CEP85L: variants seen among roughly 807,000 people sequenced by gnomAD.
CEP85L encodes centrosomal protein 85L.
A neutral mutation model predicts 100.3 loss-of-function variants in CEP85L; 60 were observed. The observed-to-expected ratio is 0.60, with a 90% confidence interval of 0.49 to 0.74. The LOEUF is 0.74. Among genes scored for constraint, CEP85L ranks in the 30% least tolerant of loss-of-function variants. CEP85L has a pLI of 0.00. For synonymous variants in CEP85L, 319 were observed against 322.7 expected (o/e 0.99, Z 0.12); for missense variants, 973 against 936.2 (o/e 1.04, Z -0.51).
intron 2 of CEP85L, among the ~76,000 whole-genome samples, chr6:118,590,044 TACACACACAC>T (rs58587419): frequency 2.0e-5 from 3 of 150,214 alleles, no homozygotes; most frequent in South Asian, 2.1e-4. Context: ...TCTCTGCATT[TACACACACAC>T]ACACACACAC....
rs149841531 is a variant in CEP85L, at chr6:118,486,351, C to T, written c.1438-2493G>A. Among the ~76,000 whole-genome samples, 253 of 152,164 alleles carry T rather than the reference C, an allele frequency of 1.7e-3. 1 individual carries two copies. Among genetic ancestry groups the T allele is most frequent in the Admixed American group, 5.6e-3 (85 of 15,296 alleles). ...AGTTTTTCTTTTCAAAGAGGTATGA[C>T]GCAATACTGATATCATTCCTAGAAG... On this transcript the variant is annotated intron_variant, in intron 6 of 12. Transcript: ENST00000368491.
upstream of CEP85L, among the ~76,000 whole-genome samples, chr6:118,655,337 G>T (rs1424642182): frequency 6.6e-6 from 1 of 152,228 alleles, no homozygotes; most frequent in African/African-American, 2.4e-5. Flanking sequence ...GATAGGAAGT[G>T]GGTGTGGGAG....
chr6:118,650,828 C>G (rs1057104798), intron 1 of CEP85L, among the ~76,000 whole-genome samples: 5 of 152,200 alleles, frequency 3.3e-5, no homozygotes, highest in African/African-American at 9.6e-5. Flanking sequence ...CCGCCCGGGT[C>G]CCCGCGAGCA....
chr6:118,537,865 C>T, intron 3 of CEP85L: 1 of 985,242 alleles, frequency 1.0e-6, no homozygotes, highest in Non-Finnish European at 1.2e-6. Flanking sequence ...TCACGTAACA[C>T]AGTAAATCTT....
intron 3 of CEP85L, among the ~76,000 whole-genome samples, chr6:118,527,693 C>T (rs1402099128): frequency 2.0e-5 from 3 of 151,992 alleles, no homozygotes; most frequent in African/African-American, 7.2e-5. Flanking sequence ...ATCACTAATT[C>T]CAAAACTCAA....
chr6:118,475,354 T>C (rs927666496), intron 10 of CEP85L, among the ~76,000 whole-genome samples: 7 of 144,638 alleles, frequency 4.8e-5, no homozygotes, highest in African/African-American at 1.0e-4. Context: ...GACATTTTTT[T>C]TTTTTTTTTT....
At chr6:118,650,274 C>T (rs1775461321) in intron 1 of CEP85L, among the ~76,000 whole-genome samples, 1 of 152,190 alleles carries the variant, frequency 6.6e-6, no homozygotes, top group South Asian at 2.1e-4. Flanking sequence ...TCTCAAAAGG[C>T]CTCAAAACTC....
rs117153872 is a variant in CEP85L, at chr6:118,509,773, C to G, written c.1257+1525G>C. ...GCCTCACTTTAGATCCCAATAAGTA[C>G]GCCAACAGTCTTTTTCTTTGGGAAA... On this transcript the variant is annotated intron_variant, in intron 5 of 12. Transcript: ENST00000368491. Among the ~76,000 whole-genome samples the G allele has an allele frequency of 4.6e-4, 70 of 152,064 alleles. No individual in the cohort carries two copies. The East Asian group carries it at 0.013, about 28-fold the overall frequency.
intron 10 of CEP85L, among the ~76,000 whole-genome samples, chr6:118,473,631 A>C (rs1190250504): frequency 6.6e-6 from 1 of 152,196 alleles, no homozygotes; most frequent in Non-Finnish European, 1.5e-5. Context: ...ATTTTTGTTC[A>C]AAAGGATCAC....
intron 6 of CEP85L, among the ~76,000 whole-genome samples, chr6:118,490,467 G>T (rs749764553): frequency 3.9e-5 from 6 of 152,202 alleles, no homozygotes; most frequent in Non-Finnish European, 7.4e-5. Context: ...GATTTGGGAG[G>T]ATGTGGAGAA....
At chr6:118,634,477 T>C (rs1345249901) in intron 1 of CEP85L, among the ~76,000 whole-genome samples, 1 of 152,230 alleles carries the variant, frequency 6.6e-6, no homozygotes, top group African/African-American at 2.4e-5. Context: ...GTATAAAGTA[T>C]ATAAGCAGCC....
intron 2 of CEP85L, among the ~76,000 whole-genome samples, chr6:118,630,691 A>G (rs75392389): frequency 0.011 from 1,745 of 152,344 alleles, 19 homozygotes; most frequent in Non-Finnish European, 0.017. Context: ...CACAGAATAT[A>G]CAACACCAAA....
At chr6:118,502,209 T>G (rs1775347770) in intron 5 of CEP85L, 2 of 754,018 alleles carry the variant, frequency 2.7e-6, no homozygotes, top group African/African-American at 3.5e-5. Flanking sequence ...ATTTGAATTA[T>G]GGACCCTGGA....
At chr6:118,651,821 G>C (rs548691923), upstream of CEP85L, 1 of 985,408 alleles carries the variant, frequency 1.0e-6, no homozygotes, top group South Asian at 4.7e-5. Context: ...CCTGCGAGTT[G>C]AGTAGAGGGC....
chr6:118,485,143 CAT>C (rs1774085643), intron 6 of CEP85L, among the ~76,000 whole-genome samples: 1 of 152,132 alleles, frequency 6.6e-6, no homozygotes, highest in Admixed American at 6.5e-5. Flanking sequence ...CTATAAATTT[CAT>C]ATCTCATAGT....
At chr6:118,646,843 CTCTCAA>C (rs1775233168) in intron 1 of CEP85L, 5 of 722,980 alleles carry the variant, frequency 6.9e-6, no homozygotes, top group Non-Finnish European at 8.5e-6. Context: ...AATCATGACT[CTCTCAA>C]CCCTTTCTGT....
At position 118,465,354 on chromosome 6, in the gene CEP85L, C is replaced by A; in HGVS notation, c.*51G>T. 1.3e-6 allele frequency: 2 copies of A among 1,563,844 alleles called. No homozygotes were observed. Among genetic ancestry groups the A allele is most frequent in the South Asian group, 2.4e-5 (2 of 85,024 alleles). ...GCAACCTTCCATTATGGCTCCATAA[C>A]ACAGCAGCATTTAAACAACAGGTCA... is the stretch of plus-strand genomic sequence containing the variant. On this transcript the variant is annotated 3_prime_UTR_variant, in exon 13 of 13. Transcript: ENST00000368491.
intron 3 of CEP85L, among the ~76,000 whole-genome samples, chr6:118,527,341 G>A (rs1225042584): frequency 5.9e-5 from 9 of 151,992 alleles, no homozygotes; most frequent in South Asian, 4.2e-4. Flanking sequence ...CTGTACTGTC[G>A]GCTCGCTGTT....
chr6:118,650,922 G>A (rs1486648192), intron 1 of CEP85L, among the ~76,000 whole-genome samples: 3 of 152,236 alleles, frequency 2.0e-5, no homozygotes, highest in Non-Finnish European at 4.4e-5. Flanking sequence ...CCCAACCCGC[G>A]GGGGCCCAAG....
Sources: allele counts gnomAD v4.1 joint callset (sites outside exome capture counted in the v4.1 genomes callset), GRCh38; gene constraint gnomAD v4.1.1; transcripts MANE v1.5; gene names NCBI Gene and HGNC (gene_info 2026-07-23, HGNC 2026-07-21).